The following TMX2 variants were observed in gnomAD, a reference collection of about 807,000 sequenced individuals.
The protein encoded by TMX2 is thioredoxin related transmembrane protein 2.
Under a neutral mutation model 33.4 loss-of-function variants are expected in TMX2, and 20 were observed. The observed-to-expected ratio is 0.60, with a 90% CI of 0.42 to 0.87. The LOEUF is 0.87. Among genes scored for constraint, TMX2 ranks in the 40% least tolerant of loss-of-function variants. The pLI, the probability that TMX2 is intolerant of heterozygous loss-of-function variation, is 0.00. For synonymous variants in TMX2, 166 were observed against 140.7 expected, an observed-to-expected ratio of 1.18 and a Z score of -1.27; for missense variants, 340 against 370.7, an observed-to-expected ratio of 0.92 and a Z score of 0.68.
chr11:57,728,376 CT>C (rs1464896826), intron 1 of TMX2, among the ~76,000 whole-genome samples: 3 of 152,082 alleles, frequency 2.0e-5, no homozygotes, highest in East Asian at 3.9e-4. Flanking sequence ...GAGTTTGACT[CT>C]TTTTGGCAAC....
At chr11:57,735,819 G>A (rs533350345) in intron 1 of TMX2, among the ~76,000 whole-genome samples, 32 of 152,316 alleles carry the variant, frequency 2.1e-4, no homozygotes, top group African/African-American at 7.7e-4. Context: ...AAGTCAAAAG[G>A]TGAAGCAGAG....
At chr11:57,714,510 T>C (rs1253540718) in intron 1 of TMX2, among the ~76,000 whole-genome samples, 1 of 152,182 alleles carries the variant, frequency 6.6e-6, no homozygotes, top group Non-Finnish European at 1.5e-5. Flanking sequence ...TGTCCAAATA[T>C]AAGCTTTTGT....
chr11:57,718,157 A>C (rs888209911), intron 1 of TMX2: 1 of 1,221,108 alleles, frequency 8.2e-7, no homozygotes, highest in Non-Finnish European at 1.2e-6. Context: ...CAAAGACCAC[A>C]TGCTTGCCAT....
At chr11:57,721,950 C>T (rs1348096932) in intron 1 of TMX2, among the ~76,000 whole-genome samples, 2 of 152,084 alleles carry the variant, frequency 1.3e-5, no homozygotes, top group Non-Finnish European at 2.9e-5. Context: ...GTTGAGATTT[C>T]TTCCTTCTCA....
chr11:57,717,714 CGAGAGGGAGAGGGGAGAGGGGAGAGGG>C (rs1947251279), intron 1 of TMX2, among the ~76,000 whole-genome samples: 2 of 12,916 alleles, frequency 1.5e-4, no homozygotes, highest in Admixed American at 1.5e-3. Context: ...AGAGGGAGAC[CGAGAGGGAGAGGGGAGAGGGGAGAGGG>C]GAGAGGGGAG....
chr11:57,737,160 G>C (rs549162368), intron 1 of TMX2, among the ~76,000 whole-genome samples: 1 of 152,142 alleles, frequency 6.6e-6, no homozygotes, highest in African/African-American at 2.4e-5. Flanking sequence ...CAGGCCTGGC[G>C]CGGTGGCTCG....
At position 57,738,338 on chromosome 11, in the gene TMX2, T is replaced by A; in HGVS notation, c.365-16T>A. On this transcript the variant is annotated splice_polypyrimidine_tract_variant and intron_variant, in intron 3 of 7. Coordinates refer to ENST00000278422, the MANE Select transcript of TMX2 (RefSeq NM_015959.4). The stretch of plus-strand genomic sequence containing the variant: ...GGCTTTTTATGTTTCCTTCGACATC[T>A]TCTTTCTGTATTTAGTGTTCCTGAT... The A allele has an allele frequency of 8.9e-6, 14 of 1,580,882 alleles. No homozygotes were observed. The highest frequency in any genetic ancestry group is 1.1e-5 in the South Asian group (1 of 89,776).
chr11:57,737,782 C>G, intron 2 of TMX2, 114 bp downstream of exon 2: 2 of 1,587,742 alleles, frequency 1.3e-6, no homozygotes, highest in Non-Finnish European at 1.7e-6. Flanking sequence ...CGTTTAATTC[C>G]AAGGCTGAAT....
At chr11:57,736,653 C>T (rs1302203069) in intron 1 of TMX2, among the ~76,000 whole-genome samples, 3 of 151,874 alleles carry the variant, frequency 2.0e-5, no homozygotes, top group Admixed American at 6.6e-5. Context: ...TTTAGGAGGC[C>T]GAGGCGGGCG....
At chr11:57,720,887 G>A (rs1177739250) in intron 1 of TMX2, among the ~76,000 whole-genome samples, 1 of 152,174 alleles carries the variant, frequency 6.6e-6, no homozygotes, top group African/African-American at 2.4e-5. Flanking sequence ...AGCAGTTTGA[G>A]TGTACAAAGA....
Position 57,740,136 on chromosome 11 carries a change from A to G in TMX2, c.782A>G (p.Tyr261Cys). The G allele has an allele frequency of 6.2e-7, 1 of 1,613,932 alleles. No homozygotes were observed. The highest frequency in any genetic ancestry group is 2.2e-5 in the East Asian group (1 of 44,886). Residue 261 changes from tyrosine (Y) to cysteine (C), a missense_variant, in exon 8 of 8, where the codon TAC (tyrosine) becomes TGC (cysteine). Coordinates refer to ENST00000278422, the MANE Select transcript of TMX2 (RefSeq NM_015959.4). ...VIREFNLNEL[Y>C]QRAKKLSKAG... ...CGAGAATTTAACTTAAATGAGCTAT[A>G]CCAGCGGGCCAAGAAACTATCAAAG...
rs1486532372 is a variant in TMX2, at chr11:57,716,707, G to A, written c.189+3900G>A. ...TCCCGGACGGGGCGGCAGGCCGGGT[G>A]GGGGGCTGACTCCCCCACCTCCCTC... is the stretch of plus-strand genomic sequence containing the variant. On this transcript the variant is annotated intron_variant, in intron 1 of 7. Coordinates refer to ENST00000278422, the MANE Select transcript of TMX2 (RefSeq NM_015959.4). Among the ~76,000 whole-genome samples, 4 of 136,664 alleles carry A rather than the reference G, an allele frequency of 2.9e-5. No individual in the cohort carries two copies. In the South Asian group the frequency reaches 7.1e-4, roughly 24 times the overall value. The allele number at this position is 136,664 out of a possible 152,430, so 89.7% of individuals were successfully genotyped here. A position where few individuals can be genotyped will look rare whatever the true frequency, so the allele number is the denominator to read the frequency against.
At chr11:57,724,639 C>T (rs531044073) in intron 1 of TMX2, among the ~76,000 whole-genome samples, 4 of 150,460 alleles carry the variant, frequency 2.7e-5, no homozygotes, top group Non-Finnish European at 5.9e-5. Flanking sequence ...CTTCCTGGGA[C>T]CAGAACATAA....
At position 57,740,716 on chromosome 11, in the gene TMX2, C is replaced by T. The variant is rs943021702; in HGVS notation, c.*471C>T. On this transcript the variant is annotated 3_prime_UTR_variant, in exon 8 of 8. Transcript: ENST00000278422. The stretch of plus-strand genomic sequence containing the variant: ...AAGCCCTTCTGGCTTCGTTTATGGT[C>T]TTCATTAAAAGTATAAGCCTAACTT... 6.4e-6 allele frequency: 1 copy of T among 155,458 alleles called. No homozygotes were observed. The highest frequency in any genetic ancestry group is 1.4e-5 in the Non-Finnish European group (1 of 69,868). The allele number at this position is 155,458 out of a possible 1,614,324, so 9.6% of individuals were successfully genotyped here.
Position 57,740,082 on chromosome 11 carries a change from G to A in TMX2, c.745-17G>A. 1 of 1,613,754 alleles carries A rather than the reference G, an allele frequency of 6.2e-7. No individual in the cohort carries two copies. Among genetic ancestry groups the A allele is most frequent in the Non-Finnish European group, 8.5e-7 (1 of 1,179,806 alleles). On this transcript the variant is annotated splice_polypyrimidine_tract_variant and intron_variant, in intron 7 of 7. Transcript: ENST00000278422. ...CCTTCCAACCCAGATCCTGACGTGTGCATCTCTTTTGTGCAGGAGAATGTG... is the reference window on the plus strand; with the variant it reads ...CCTTCCAACCCAGATCCTGACGTGTACATCTCTTTTGTGCAGGAGAATGTG...
At chr11:57,739,573 C>A (rs576300895) in intron 7 of TMX2, among the ~76,000 whole-genome samples, 10 of 152,172 alleles carry the variant, frequency 6.6e-5, no homozygotes, top group Non-Finnish European at 1.5e-4. Context: ...GCCTGACCAA[C>A]ATGGAGAAAC....
At chr11:57,716,570 T>C (rs1181970352) in intron 1 of TMX2, among the ~76,000 whole-genome samples, 4 of 111,022 alleles carry the variant, frequency 3.6e-5, no homozygotes, top group Admixed American at 9.2e-5. Context: ...GGCGGGGGGC[T>C]GACCCCACCT....
At chr11:57,723,016 C>T (rs1187799344) in intron 1 of TMX2, among the ~76,000 whole-genome samples, 1 of 152,040 alleles carries the variant, frequency 6.6e-6, no homozygotes, top group Non-Finnish European at 1.5e-5. Context: ...GAGGCTGAGG[C>T]AGGAGAATCC....
intron 1 of TMX2, among the ~76,000 whole-genome samples, chr11:57,725,555 A>T (rs1224598822): frequency 6.6e-6 from 1 of 152,028 alleles, no homozygotes; most frequent in African/African-American, 2.4e-5. Context: ...TGGCTAACAG[A>T]ATGAAACCCT....
Sources: allele counts gnomAD v4.1 joint callset (sites outside exome capture counted in the v4.1 genomes callset), GRCh38; gene constraint gnomAD v4.1.1; transcripts MANE v1.5; gene names NCBI Gene and HGNC (gene_info 2026-07-23, HGNC 2026-07-21).